The following EDA variants were observed in gnomAD, a reference collection of about 807,000 sequenced individuals.
EDA encodes ectodysplasin-A.
EDA carries 2 observed loss-of-function variants against 23.6 expected under a neutral mutation model. The ratio of observed to expected loss-of-function variants is 0.08; its 90% CI spans 0.03 to 0.27. EDA has a LOEUF of 0.27. Ranked by LOEUF, EDA falls within the 10% of genes least tolerant of loss-of-function variation. EDA has a pLI of 1.00. For synonymous variants in EDA, 131 were observed against 132.0 expected (o/e 0.99, Z 0.05); for missense variants, 229 against 324.2 (o/e 0.71, Z 2.26).
chrX:69,723,290 T>C (rs1380554816), intron 1 of EDA, among the ~76,000 whole-genome samples: 2 of 112,159 alleles, frequency 1.8e-5, no homozygotes, highest in Non-Finnish European at 3.8e-5. Flanking sequence ...AATACTTACC[T>C]TGTGTGGGTA....
chrX:69,769,507 G>A (rs369413338), intron 1 of EDA, among the ~76,000 whole-genome samples: 3 of 111,262 alleles, frequency 2.7e-5, no homozygotes, highest in African/African-American at 9.8e-5. Flanking sequence ...AAAGCACTTC[G>A]ATTTAATGTG....
Position 69,634,745 on chromosome X carries a change from A to G in EDA, c.396+18041A>G, listed in dbSNP as rs1476498100. ...AAGGTTCTTTCCTACGTATCTCTTA[A>G]ATGTTGTTACAGTCATGTGCCACAT... On this transcript the variant is annotated intron_variant, in intron 1 of 7. Coordinates refer to ENST00000374552, the MANE Select transcript of EDA (RefSeq NM_001399.5). Among the ~76,000 whole-genome samples the G allele has an allele frequency of 6.3e-5, 7 of 111,251 alleles. No homozygotes were observed. In the East Asian group the frequency reaches 2.0e-3, roughly 31 times the overall value.
rs1020892343 is a variant in EDA, at chrX:69,688,045, G to T, written c.396+71341G>T. 2.7e-5 allele frequency among the ~76,000 whole-genome samples: 3 copies of T among 111,513 alleles called. No homozygotes were observed. The East Asian group carries it at 8.4e-4, about 31-fold the overall frequency. On this transcript the variant is annotated intron_variant, in intron 1 of 7. Coordinates refer to ENST00000374552, the MANE Select transcript of EDA (RefSeq NM_001399.5). ...TACTTTCACGTTGAAGGGGGCCTTT[G>T]TACCCTACCCTCTTCACAGACTTAT...
At chrX:69,949,731 C>T (rs2147407329) in intron 1 of EDA, among the ~76,000 whole-genome samples, 1 of 111,810 alleles carries the variant, frequency 8.9e-6, no homozygotes, top group Non-Finnish European at 1.9e-5. Context: ...ATGTCCCCTC[C>T]AAAATGTAGG....
intron 1 of EDA, among the ~76,000 whole-genome samples, chrX:69,625,905 A>G (rs1239224389): frequency 1.8e-5 from 2 of 110,733 alleles, no homozygotes; most frequent in African/African-American, 6.6e-5. Flanking sequence ...AATCTTTGGA[A>G]AACATATATC....
chrX:69,896,464 G>A (rs2018017658), intron 1 of EDA, among the ~76,000 whole-genome samples: 1 of 109,219 alleles, frequency 9.2e-6, no homozygotes, highest in South Asian at 4.0e-4. Context: ...AAGGGATGGG[G>A]TGAGGAGGAA....
intron 1 of EDA, among the ~76,000 whole-genome samples, chrX:69,692,802 T>G (rs970246736): frequency 8.9e-6 from 1 of 111,987 alleles, no homozygotes; most frequent in African/African-American, 3.2e-5. Flanking sequence ...GGTTTTATTA[T>G]TGATGCTTTG....
intron 1 of EDA, among the ~76,000 whole-genome samples, chrX:69,655,968 A>G (rs1393485555): frequency 9.4e-6 from 1 of 106,622 alleles, no homozygotes; most frequent in Non-Finnish European, 1.9e-5. Context: ...TCCATTATCC[A>G]CTGATCTCCT....
intron 1 of EDA, among the ~76,000 whole-genome samples, chrX:69,925,976 A>G (rs2018512419): frequency 9.0e-6 from 1 of 110,583 alleles, no homozygotes; most frequent in African/African-American, 3.3e-5. Flanking sequence ...CTCTGATGGT[A>G]GTTTGTATTT....
chrX:70,033,081 G>A (rs2020220833), intron 6 of EDA, among the ~76,000 whole-genome samples: 1 of 112,680 alleles, frequency 8.9e-6, no homozygotes. Context: ...AGAAAATAGG[G>A]CAGCATGCCC....
At position 70,038,391 on chromosome X, in the gene EDA, G is replaced by C. The variant is rs1042416681; in HGVS notation, c.*2782G>C. On this transcript the variant is annotated 3_prime_UTR_variant, in exon 8 of 8. Coordinates refer to ENST00000374552, the MANE Select transcript of EDA (RefSeq NM_001399.5). Reference sequence around the variant, plus strand: ...GTGACAAAGCAATTTACTGATGAGAGAATGTGGAAATAGATGTGCAGTTTG... The same window carrying C: ...GTGACAAAGCAATTTACTGATGAGACAATGTGGAAATAGATGTGCAGTTTG... 1 of 111,001 alleles carries C rather than the reference G, an allele frequency of 9.0e-6. No individual in the cohort carries two copies. Among genetic ancestry groups the C allele is most frequent in the African/African-American group, 3.3e-5 (1 of 30,503 alleles). The allele number at this position is 111,001 out of a possible 1,213,427, so 9.1% of individuals were successfully genotyped here.
chrX:69,678,302 C>T (rs777175873), intron 1 of EDA, among the ~76,000 whole-genome samples: 7 of 109,114 alleles, frequency 6.4e-5, no homozygotes, highest in African/African-American at 1.0e-4. Flanking sequence ...CTTGGTGATG[C>T]GGGCTCTTTT....
intron 1 of EDA, among the ~76,000 whole-genome samples, chrX:69,799,902 C>CAA (rs3048910): frequency 0.3 from 32,952 of 110,015 alleles, 4,734 homozygotes; most frequent in Middle Eastern, 0.54. Flanking sequence ...ACCAATATGT[C>CAA]AGAGATACAT....
chrX:69,695,629 C>T (rs1602304459), intron 1 of EDA, among the ~76,000 whole-genome samples: 1 of 106,569 alleles, frequency 9.4e-6, no homozygotes, highest in East Asian at 3.1e-4. Flanking sequence ...CCTGCCTCAG[C>T]CTTCTGAATA....
chrX:69,961,661 A>C (rs2019104497), intron 2 of EDA, among the ~76,000 whole-genome samples: 1 of 112,443 alleles, frequency 8.9e-6, no homozygotes, highest in Admixed American at 9.4e-5. Flanking sequence ...TCTCAAACAC[A>C]TGGTTAGTTT....
At chrX:69,738,804 T>A (rs1422596320) in intron 1 of EDA, among the ~76,000 whole-genome samples, 1 of 110,273 alleles carries the variant, frequency 9.1e-6, no homozygotes, top group African/African-American at 3.3e-5. Context: ...TTCCCAACTT[T>A]ATTTCTGTTA....
intron 1 of EDA, among the ~76,000 whole-genome samples, chrX:69,654,665 G>A (rs942083943): frequency 3.6e-5 from 4 of 110,440 alleles, no homozygotes; most frequent in Non-Finnish European, 7.6e-5. Context: ...GATGAAACTG[G>A]AAACCATCAT....
intron 1 of EDA, among the ~76,000 whole-genome samples, chrX:69,947,311 A>AT (rs1014512532): frequency 1.8e-5 from 2 of 111,378 alleles, no homozygotes; most frequent in African/African-American, 3.3e-5. Flanking sequence ...CATACAAACC[A>AT]TTTTTTTTAT....
chrX:69,883,688 A>G (rs7881076), intron 1 of EDA, among the ~76,000 whole-genome samples: 23,575 of 110,968 alleles, frequency 0.21, 1,911 homozygotes, highest in African/African-American at 0.25. Flanking sequence ...TTTCTGAATA[A>G]GAAAAAGAAA....
Sources: gnomAD v4.1 joint callset for allele counts (sites outside exome capture counted in the v4.1 genomes callset) on GRCh38, gnomAD v4.1.1 for gene constraint, MANE v1.5 for transcripts, NCBI Gene and HGNC (gene_info 2026-07-23, HGNC 2026-07-21) for gene names.